LTBP1: variants seen among roughly 807,000 people sequenced by gnomAD.
LTBP1 encodes latent transforming growth factor beta binding protein 1.
In LTBP1, 129 loss-of-function variants were observed where a neutral mutation model predicts 207.6. The observed-to-expected ratio is 0.62, with a 90% CI of 0.54 to 0.72. The LOEUF is 0.72. Ranked by LOEUF, LTBP1 falls within the 30% of genes least tolerant of loss-of-function variation. The probability of loss-of-function intolerance (pLI) is 0.00; values close to 1 mark genes in which losing one functional copy is unlikely to be tolerated. For synonymous variants in LTBP1, 963 were observed against 833.7 expected, an observed-to-expected ratio of 1.16 and a Z score of -2.67; for missense variants, 2,281 against 2,217.2, an observed-to-expected ratio of 1.03 and a Z score of -0.58.
chr2:33,201,050 A>G (rs978819052), intron 7 of LTBP1, among the ~76,000 whole-genome samples: 2 of 152,258 alleles, frequency 1.3e-5, no homozygotes, highest in Non-Finnish European at 2.9e-5. Context: ...TAGTTCAACC[A>G]TTGTGGAAGT....
chr2:33,219,754 C>A (rs752952071), intron 8 of LTBP1, among the ~76,000 whole-genome samples: 4 of 152,144 alleles, frequency 2.6e-5, no homozygotes, highest in Non-Finnish European at 4.4e-5. Context: ...TTACCCCCTT[C>A]TTTGTGTATC....
At chr2:33,124,669 A>G (rs2081335068) in intron 4 of LTBP1, among the ~76,000 whole-genome samples, 1 of 152,234 alleles carries the variant, frequency 6.6e-6, no homozygotes, top group African/African-American at 2.4e-5. Flanking sequence ...TGTGTAGTAT[A>G]TCATGGTTTA....
chr2:33,215,196 C>T (rs1192089487), intron 7 of LTBP1, among the ~76,000 whole-genome samples: 1 of 152,070 alleles, frequency 6.6e-6, no homozygotes, highest in African/African-American at 2.4e-5. Context: ...AAGTGCTCAG[C>T]TATAATGTTC....
intron 2 of LTBP1, among the ~76,000 whole-genome samples, chr2:32,957,967 AC>A (rs1467705867): frequency 1.3e-5 from 2 of 151,886 alleles, no homozygotes; most frequent in Non-Finnish European, 2.9e-5. Flanking sequence ...AGGAAGTGCC[AC>A]TGCTTACTCC....
chr2:33,339,671 GT>G (rs2094593557), intron 24 of LTBP1, among the ~76,000 whole-genome samples: 1 of 151,556 alleles, frequency 6.6e-6, no homozygotes, highest in Non-Finnish European at 1.5e-5. Flanking sequence ...TTGAGACGGA[GT>G]TTCGCTCTTG....
chr2:33,045,741 A>G (rs891186862), intron 3 of LTBP1, among the ~76,000 whole-genome samples: 1 of 152,210 alleles, frequency 6.6e-6, no homozygotes, highest in African/African-American at 2.4e-5. Context: ...CTTCCTATCC[A>G]TGAGCATGGA....
At chr2:33,151,821 TTTTGTGTGTGTG>T (rs1276904885) in intron 5 of LTBP1, among the ~76,000 whole-genome samples, 2,214 of 140,828 alleles carry the variant, frequency 0.016, 27 homozygotes, top group Middle Eastern at 0.025. Context: ...TAGTATTCCA[TTTTGTGTGTGTG>T]TGTGTGTGTG....
At chr2:33,396,363 G>A (rs910315585) in intron 32 of LTBP1, among the ~76,000 whole-genome samples, 1 of 152,106 alleles carries the variant, frequency 6.6e-6, no homozygotes, top group Non-Finnish European at 1.5e-5. Context: ...TGGGATTACA[G>A]GTGTCCACCA....
chr2:33,111,768 C>A (rs145392594), intron 4 of LTBP1, among the ~76,000 whole-genome samples: 1 of 152,084 alleles, frequency 6.6e-6, no homozygotes, highest in African/African-American at 2.4e-5. Flanking sequence ...GCTCAGTGAC[C>A]GGTGGCTAGA....
intron 5 of LTBP1, among the ~76,000 whole-genome samples, chr2:33,145,838 T>A (rs1394920992): frequency 6.6e-6 from 1 of 152,186 alleles, no homozygotes; most frequent in African/African-American, 2.4e-5. Flanking sequence ...AAAAAGAAGC[T>A]AAAGTCTAAA....
chr2:33,046,311 T>G (rs1281721315), intron 3 of LTBP1, among the ~76,000 whole-genome samples: 1 of 152,072 alleles, frequency 6.6e-6, no homozygotes, highest in South Asian at 2.1e-4. Context: ...TTATTGAGAG[T>G]TTTTAGCATG....
intron 3 of LTBP1, among the ~76,000 whole-genome samples, chr2:33,067,592 T>A (rs1370187104): frequency 1.3e-5 from 2 of 152,220 alleles, no homozygotes; most frequent in African/African-American, 4.8e-5. Context: ...TCACAGACAC[T>A]TTTTGATCAT....
chr2:33,360,904 C>T lies in LTBP1; in HGVS notation c.4183+125C>T. ...GACTTACCTTATAGTGAGTTTCATTCAGGGCTAGAGCCAGCACCTGCATCC... is the reference window on the plus strand; with the variant it reads ...GACTTACCTTATAGTGAGTTTCATTTAGGGCTAGAGCCAGCACCTGCATCC... On this transcript the variant is annotated intron_variant, in intron 27 of 33. Transcript: ENST00000404816. 5 of 746,388 alleles carry T rather than the reference C, an allele frequency of 6.7e-6. No homozygotes were observed. The South Asian group carries it at 7.5e-5, about 11-fold the overall frequency. 46.2% of individuals were successfully genotyped at this position (746,388 alleles called of 1,614,324 possible).
intron 26 of LTBP1, among the ~76,000 whole-genome samples, 160 bp downstream of exon 26, chr2:33,347,670 G>C (rs574329383): frequency 6.6e-6 from 1 of 152,324 alleles, no homozygotes; most frequent in African/African-American, 2.4e-5. Flanking sequence ...TGCCTGCCTT[G>C]TCAGTGGAAT....
intron 5 of LTBP1, among the ~76,000 whole-genome samples, chr2:33,161,788 A>G (rs1558731175): frequency 1.3e-5 from 2 of 152,260 alleles, no homozygotes; most frequent in Non-Finnish European, 2.9e-5. Flanking sequence ...AAGAACCTGC[A>G]TTGTAGACTA....
At chr2:33,250,729 C>T (rs369264045) in intron 10 of LTBP1, among the ~76,000 whole-genome samples, 13 of 152,270 alleles carry the variant, frequency 8.5e-5, no homozygotes, top group Admixed American at 4.6e-4. Context: ...TGCTGGGTCC[C>T]ACACACACCT....
intron 2 of LTBP1, among the ~76,000 whole-genome samples, chr2:33,015,941 G>A (rs1019111594): frequency 6.6e-6 from 1 of 152,148 alleles, no homozygotes; most frequent in Non-Finnish European, 1.5e-5. Flanking sequence ...GGATGGGATG[G>A]TGCTAACCCA....
At chr2:33,197,285 CAG>C (rs1235421819) in intron 7 of LTBP1, among the ~76,000 whole-genome samples, 1 of 152,178 alleles carries the variant, frequency 6.6e-6, no homozygotes, top group Non-Finnish European at 1.5e-5. Context: ...CTAATTTTGG[CAG>C]AGTTAGGTTT....
rs375852588 is a variant in LTBP1, at chr2:33,018,206, T to C, written c.566-2703T>C. Among the ~76,000 whole-genome samples the C allele has an allele frequency of 2.6e-5, 4 of 151,388 alleles. No homozygotes were observed. The East Asian group carries it at 7.8e-4, about 29-fold the overall frequency. On this transcript the variant is annotated intron_variant, in intron 2 of 33. Transcript: ENST00000404816. Reference sequence around the variant, plus strand: ...TCCCCACCCCCCTTACCCTACCACATGAAAAATTTGAAGAGTTAAAAAAAA... The same window carrying C: ...TCCCCACCCCCCTTACCCTACCACACGAAAAATTTGAAGAGTTAAAAAAAA...
Sources: allele counts gnomAD v4.1 joint callset (sites outside exome capture counted in the v4.1 genomes callset), GRCh38; gene constraint gnomAD v4.1.1; transcripts MANE v1.5; gene names NCBI Gene and HGNC (gene_info 2026-07-23, HGNC 2026-07-21).